The following TRAK1 variants were observed in gnomAD, a reference collection of about 807,000 sequenced individuals.
The protein encoded by TRAK1 is trafficking kinesin-binding protein 1.
In TRAK1, 33 loss-of-function variants were observed where a neutral mutation model predicts 92.1. That is an observed-to-expected ratio of 0.36 (90% CI 0.27 to 0.48). The LOEUF (loss-of-function observed/expected upper bound fraction) is 0.48. Among genes scored for constraint, TRAK1 ranks in the 20% least tolerant of loss-of-function variants. The probability of loss-of-function intolerance (pLI) is 0.99; values close to 1 mark genes in which losing one functional copy is unlikely to be tolerated. For synonymous variants in TRAK1, 521 were observed against 517.3 expected (o/e 1.01, Z -0.10); for missense variants, 1,123 against 1,257.9 (o/e 0.89, Z 1.62).
chr3:42,021,027 A>C (rs1701703510), intron 1 of TRAK1, among the ~76,000 whole-genome samples: 1 of 152,198 alleles, frequency 6.6e-6, no homozygotes, highest in South Asian at 2.1e-4. Context: ...TCATGTTCGG[A>C]AGTTGGAATT....
intron 1 of TRAK1, among the ~76,000 whole-genome samples, chr3:42,022,851 A>C (rs904793136): frequency 2.6e-5 from 4 of 152,032 alleles, no homozygotes; most frequent in African/African-American, 9.7e-5. Flanking sequence ...TACTCATGGA[A>C]AGGAATAAAG....
chr3:42,014,937 GGA>G (rs1397758733), intron 1 of TRAK1, among the ~76,000 whole-genome samples: 1 of 152,166 alleles, frequency 6.6e-6, no homozygotes, highest in Non-Finnish European at 1.5e-5. Flanking sequence ...TTATCTGGAA[GGA>G]GAGTGGAGGT....
intron 1 of TRAK1, among the ~76,000 whole-genome samples, chr3:42,038,477 C>T (rs548271837): frequency 1.5e-4 from 23 of 152,194 alleles, no homozygotes; most frequent in African/African-American, 4.6e-4. Flanking sequence ...AACACCTGGC[C>T]GGTTATTTTT....
intron 2 of TRAK1, among the ~76,000 whole-genome samples, chr3:42,139,758 T>C (rs1698424120): frequency 6.6e-6 from 1 of 152,198 alleles, no homozygotes; most frequent in South Asian, 2.1e-4. Context: ...TATTTCAGCA[T>C]ATCTAAGACA....
At chr3:42,214,707 T>TTG (rs1334182497) in intron 14 of TRAK1, among the ~76,000 whole-genome samples, 1 of 152,164 alleles carries the variant, frequency 6.6e-6, no homozygotes, top group Non-Finnish European at 1.5e-5. Context: ...GAAAAAGATC[T>TTG]TGTGATGTGT....
chr3:42,201,821 A>G (rs2149472409), intron 12 of TRAK1, among the ~76,000 whole-genome samples: 1 of 148,792 alleles, frequency 6.7e-6, no homozygotes, highest in South Asian at 2.2e-4. Flanking sequence ...AGGAATGGTC[A>G]GTTCCTCTTT....
chr3:42,089,399 T>C (rs76733823), upstream of TRAK1, among the ~76,000 whole-genome samples: 5,348 of 152,240 alleles, frequency 0.035, 125 homozygotes, highest in Non-Finnish European at 0.054. Context: ...GAGTTGGCTT[T>C]TAATACAATC....
chr3:42,103,413 G>C (rs947540248), intron 1 of TRAK1, among the ~76,000 whole-genome samples: 2 of 152,052 alleles, frequency 1.3e-5, no homozygotes, highest in African/African-American at 4.8e-5. Flanking sequence ...GACCTCAAGT[G>C]ATCTGCTTGC....
chr3:42,204,795 C>T (rs1420969255), intron 13 of TRAK1, among the ~76,000 whole-genome samples: 3 of 152,066 alleles, frequency 2.0e-5, no homozygotes, highest in African/African-American at 4.8e-5. Context: ...TTGCCTAGGC[C>T]GGTCTTGAAC....
intron 1 of TRAK1, among the ~76,000 whole-genome samples, chr3:42,047,565 T>A (rs1327406460): frequency 6.6e-6 from 1 of 152,202 alleles, no homozygotes; most frequent in Non-Finnish European, 1.5e-5. Flanking sequence ...TTACTTTTTC[T>A]AATTTCTGTC....
At chr3:42,072,365 C>T (rs1426123260) in intron 1 of TRAK1, among the ~76,000 whole-genome samples, 3 of 152,012 alleles carry the variant, frequency 2.0e-5, no homozygotes, top group African/African-American at 7.2e-5. Context: ...TGCTTTGTGC[C>T]GGAAAGCTCT....
At chr3:42,069,954 C>T (rs1422102097) in intron 1 of TRAK1, among the ~76,000 whole-genome samples, 6 of 151,840 alleles carry the variant, frequency 4.0e-5, no homozygotes, top group African/African-American at 1.2e-4. Context: ...CGGGTTCAAG[C>T]GATTCTCCAG....
In TRAK1 at chr3:42,127,877, C is replaced by T. The variant is rs151132900; in HGVS notation, c.286+2263C>T. Among the ~76,000 whole-genome samples, 5 of 152,274 alleles carry T rather than the reference C, an allele frequency of 3.3e-5. No individual in the cohort carries two copies. In the East Asian group the frequency reaches 7.7e-4, roughly 24 times the overall value. ...GACACTGAGCCACAGTTTCTAAAATCTGTTTAACAGTAGACTTGAGGCCGG... is the reference window on the plus strand; with the variant it reads ...GACACTGAGCCACAGTTTCTAAAATTTGTTTAACAGTAGACTTGAGGCCGG... On this transcript the variant is annotated intron_variant, in intron 2 of 15. Transcript: ENST00000327628.
At chr3:42,092,681 T>TTGTTGTGTTGTGTTG (rs1553712895) in intron 1 of TRAK1, among the ~76,000 whole-genome samples, 11 of 131,324 alleles carry the variant, frequency 8.4e-5, no homozygotes, top group Non-Finnish European at 1.3e-4. Context: ...TCCTTTTATT[T>TTGTTGTGTTGTGTTG]TGTTGTGTTG....
intron 1 of TRAK1, among the ~76,000 whole-genome samples, chr3:42,057,306 C>T (rs1338594267): frequency 6.6e-6 from 1 of 152,130 alleles, no homozygotes; most frequent in Non-Finnish European, 1.5e-5. Context: ...CAAAGACTGA[C>T]AGTAGGTTCA....
intron 1 of TRAK1, among the ~76,000 whole-genome samples, chr3:42,045,782 T>C (rs1340324850): frequency 6.6e-6 from 1 of 152,172 alleles, no homozygotes; most frequent in Non-Finnish European, 1.5e-5. Context: ...CAGCAGTTAT[T>C]CTGTGATTCT....
chr3:42,092,746 A>G (rs1705286354), intron 1 of TRAK1, among the ~76,000 whole-genome samples: 1 of 148,606 alleles, frequency 6.7e-6, no homozygotes, highest in Non-Finnish European at 1.5e-5. Context: ...ATGTTATGTT[A>G]TGTTATGTTA....
intron 4 of TRAK1, among the ~76,000 whole-genome samples, chr3:42,186,540 C>G (rs13085742): frequency 0.1 from 15,785 of 152,320 alleles, 930 homozygotes; most frequent in Non-Finnish European, 0.13. Context: ...TCCCTGCCCC[C>G]AGAGTCACGA....
intron 13 of TRAK1, chr3:42,204,331 C>T: frequency 1.1e-6 from 1 of 906,310 alleles, no homozygotes; most frequent in Non-Finnish European, 1.3e-6. Flanking sequence ...ATTTTCAAAG[C>T]ACATGTTTTA....
Sources: allele counts gnomAD v4.1 joint callset (sites outside exome capture counted in the v4.1 genomes callset), GRCh38; gene constraint gnomAD v4.1.1; transcripts MANE v1.5; gene names NCBI Gene and HGNC (gene_info 2026-07-23, HGNC 2026-07-21).